The following LMO1 variants were observed in gnomAD, a reference collection of about 807,000 sequenced individuals.
LMO1 encodes the protein rhombotin-1.
In LMO1, 10 loss-of-function variants were observed where a neutral mutation model predicts 18.0. The observed-to-expected ratio is 0.55, with a 90% confidence interval of 0.34 to 0.94. LMO1 has a LOEUF of 0.94. Ranked by LOEUF, LMO1 falls within the 40% of genes least tolerant of loss-of-function variation. The probability of loss-of-function intolerance (pLI) is 0.02; values close to 1 mark genes in which losing one functional copy is unlikely to be tolerated. For missense variants in LMO1, 183 were observed against 205.7 expected, an observed-to-expected ratio of 0.89 and a Z score of 0.68; for synonymous variants, 77 against 77.9, an observed-to-expected ratio of 0.99 and a Z score of 0.06.
chr11:8,234,568 T>C (rs1952728367), intron 1 of LMO1, among the ~76,000 whole-genome samples: 1 of 152,070 alleles, frequency 6.6e-6, no homozygotes, highest in Non-Finnish European at 1.5e-5. Flanking sequence ...AGTGAGCTCC[T>C]CCAAGGCCAC....
At position 8,230,462 on chromosome 11, in the gene LMO1, C is replaced by T; in HGVS notation, c.68G>A (p.Gly23Asp). 1.2e-6 allele frequency: 2 copies of T among 1,613,796 alleles called. No homozygotes were observed. Among genetic ancestry groups the T allele is most frequent in the Non-Finnish European group, 1.7e-6 (2 of 1,179,898 alleles). Residue 23 changes from glycine (G) to aspartate (D), a missense_variant, in exon 2 of 4, where the codon GGC becomes GAC. Coordinates refer to ENST00000335790, the MANE Select transcript of LMO1 (RefSeq NM_002315.3). ...GATCTTGCGGTTACAGCCCGCACAG[C>T]CCTTCTGCTTCCCTTTGGGCTGGAC... is the stretch of plus-strand genomic sequence containing the variant. ...LSVQPKGKQK[G>D]CAGCNRKIKD...
At chr11:8,230,627 C>A in intron 1 of LMO1, 123 bp from the exon 2 acceptor site, 1 of 1,007,294 alleles carries the variant, frequency 9.9e-7, no homozygotes, top group Non-Finnish European at 1.5e-6. Flanking sequence ...TTTGGGGCTC[C>A]CAGGAGCCCT....
intron 1 of LMO1, among the ~76,000 whole-genome samples, chr11:8,232,561 G>A (rs1262597909): frequency 1.3e-5 from 2 of 152,192 alleles, no homozygotes; most frequent in Non-Finnish European, 2.9e-5. Context: ...CCTGTGCAGG[G>A]AGCATGCAGC....
In LMO1 at chr11:8,230,464, C is replaced by T; in HGVS notation, c.66G>A (p.Lys22=). ...MLSVQPKGKQ[K]GCAGCNRKIK... ...TCTTGCGGTTACAGCCCGCACAGCC[C>T]TTCTGCTTCCCTTTGGGCTGGACGG... is the stretch of plus-strand genomic sequence containing the variant. The change falls in exon 2 of 4, where the codon AAG becomes AAA. Residue 22 remains lysine (K), a synonymous_variant. Transcript: ENST00000335790. The T allele has an allele frequency of 6.2e-7, 1 of 1,613,828 alleles. No homozygotes were observed. The highest frequency in any genetic ancestry group is 8.5e-7 in the Non-Finnish European group (1 of 1,179,902).
intron 1 of LMO1, among the ~76,000 whole-genome samples, chr11:8,238,595 T>C (rs1473034387): frequency 3.0e-5 from 4 of 135,456 alleles, no homozygotes; most frequent in Admixed American, 9.0e-5. Flanking sequence ...GGCGTGAACC[T>C]GGGAGGCAGA....
At position 8,263,617 on chromosome 11, in the gene LMO1, G is replaced by A. The variant is rs953829345; in HGVS notation, c.-255C>T. 18 of 1,353,450 alleles carry A rather than the reference G, an allele frequency of 1.3e-5. 1 individual carries two copies. In the African/African-American group the frequency reaches 2.7e-4, roughly 21 times the overall value. The allele number at this position is 1,353,450 out of a possible 1,614,324, so 83.8% of individuals were successfully genotyped here. A position where few individuals can be genotyped will look rare whatever the true frequency, so the allele number is the denominator to read the frequency against. On this transcript the variant is annotated 5_prime_UTR_variant, in exon 1 of 4. Coordinates refer to ENST00000335790, the MANE Select transcript of LMO1 (RefSeq NM_002315.3). The stretch of plus-strand genomic sequence containing the variant: ...TACGAACTGCAATTTAGAGAGAGAG[G>A]GAGAGGGAGAGAGAAGGGGGAAAAG...
intron 1 of LMO1, among the ~76,000 whole-genome samples, chr11:8,236,192 TA>T (rs1403174341): frequency 7.5e-6 from 1 of 133,336 alleles, no homozygotes. Context: ...GTAGCCTTGG[TA>T]TTTTTTTTTT....
intron 1 of LMO1, among the ~76,000 whole-genome samples, chr11:8,250,036 C>T (rs1192422530): frequency 8.5e-6 from 1 of 118,054 alleles, no homozygotes; most frequent in Non-Finnish European, 1.8e-5. Flanking sequence ...ATTTCTTCAC[C>T]TTTCCCCATT....
chr11:8,237,583 A>G (rs1177004801), intron 1 of LMO1, among the ~76,000 whole-genome samples: 2 of 152,228 alleles, frequency 1.3e-5, no homozygotes, highest in Non-Finnish European at 2.9e-5. Context: ...AGCCACCCAG[A>G]GCACGCTCAT....
At chr11:8,225,584 C>T (rs7933956) in intron 3 of LMO1, among the ~76,000 whole-genome samples, 20,830 of 151,906 alleles carry the variant, frequency 0.14, 2,235 homozygotes, top group African/African-American at 0.29. Flanking sequence ...GAGGTAACCC[C>T]GTTCCACTAT....
At chr11:8,256,920 G>C (rs1847107928) in intron 1 of LMO1, among the ~76,000 whole-genome samples, 1 of 152,244 alleles carries the variant, frequency 6.6e-6, no homozygotes, top group Non-Finnish European at 1.5e-5. Context: ...GTTGTAATGA[G>C]CACCACAAGA....
At chr11:8,231,269 C>A (rs1952652770) in intron 1 of LMO1, among the ~76,000 whole-genome samples, 1 of 152,350 alleles carries the variant, frequency 6.6e-6, no homozygotes, top group Non-Finnish European at 1.5e-5. Context: ...AGCTTCCCAA[C>A]ATACACACAG....
At chr11:8,266,184 G>A (rs907686934), upstream of LMO1, among the ~76,000 whole-genome samples, 1 of 152,206 alleles carries the variant, frequency 6.6e-6, no homozygotes, top group Non-Finnish European at 1.5e-5. Flanking sequence ...TGAGCATGGT[G>A]CTCCCAAACT....
At chr11:8,244,342 T>C (rs1846858029) in intron 1 of LMO1, among the ~76,000 whole-genome samples, 1 of 152,220 alleles carries the variant, frequency 6.6e-6, no homozygotes, top group Non-Finnish European at 1.5e-5. Flanking sequence ...AAAGCGTACC[T>C]GGGGAATGTT....
intron 1 of LMO1, among the ~76,000 whole-genome samples, chr11:8,240,420 T>TG (rs1246345807): frequency 6.6e-6 from 1 of 152,192 alleles, no homozygotes; most frequent in Non-Finnish European, 1.5e-5. Context: ...AAGCTGACTC[T>TG]GGTTTGGGGC....
intron 1 of LMO1, among the ~76,000 whole-genome samples, chr11:8,256,518 G>A (rs572654260): frequency 1.3e-5 from 2 of 152,356 alleles, no homozygotes; most frequent in African/African-American, 2.4e-5. Flanking sequence ...ACACTGGGCA[G>A]CTGCCTCTGC....
At chr11:8,240,238 A>G (rs1846761250) in intron 1 of LMO1, among the ~76,000 whole-genome samples, 1 of 152,246 alleles carries the variant, frequency 6.6e-6, no homozygotes, top group Non-Finnish European at 1.5e-5. Context: ...CAGAGGGGCC[A>G]TTTCCTGTGG....
In LMO1 at chr11:8,224,912, G is replaced by T. The variant is rs567019970; in HGVS notation, c.366-191C>A. Reference sequence around the variant, plus strand: ...ACACCTGGGCAATTCCCCCAGGCCAGCCCCAACCTTGGCCAGGCCCTGTAG... The same window carrying T: ...ACACCTGGGCAATTCCCCCAGGCCATCCCCAACCTTGGCCAGGCCCTGTAG... On this transcript the variant is annotated intron_variant, in intron 3 of 3. Coordinates refer to ENST00000335790, the MANE Select transcript of LMO1 (RefSeq NM_002315.3). Among the ~76,000 whole-genome samples the T allele has an allele frequency of 3.3e-5, 5 of 152,220 alleles. No individual in the cohort carries two copies. In the East Asian group the frequency reaches 9.7e-4, roughly 30 times the overall value.
At chr11:8,255,260 A>G (rs1847071227) in intron 1 of LMO1, among the ~76,000 whole-genome samples, 1 of 152,328 alleles carries the variant, frequency 6.6e-6, no homozygotes, top group African/African-American at 2.4e-5. Context: ...TAATCCCAGC[A>G]CTTTGGGAGG....
Sources: gnomAD v4.1 joint callset for allele counts (sites outside exome capture counted in the v4.1 genomes callset) on GRCh38, gnomAD v4.1.1 for gene constraint, MANE v1.5 for transcripts, NCBI Gene and HGNC (gene_info 2026-07-23, HGNC 2026-07-21) for gene names.